CSMD3: variants seen among roughly 807,000 people sequenced by gnomAD.
The protein encoded by CSMD3 is CUB and Sushi multiple domains 3, also known as CUB and sushi domain-containing protein 3.
In CSMD3, 177 loss-of-function variants were observed where a neutral mutation model predicts 435.2. That is an observed-to-expected ratio of 0.41 (90% CI 0.36 to 0.46). CSMD3 has a LOEUF of 0.46. Ranked by LOEUF, CSMD3 falls within the 20% of genes least tolerant of loss-of-function variation. The probability of loss-of-function intolerance (pLI) is 0.34; values close to 1 mark genes in which losing one functional copy is unlikely to be tolerated. For synonymous variants in CSMD3, 1,656 were observed against 1,520.5 expected (o/e 1.09, Z -2.07); for missense variants, 4,265 against 4,504.6 (o/e 0.95, Z 1.52).
At chr8:112,404,322 G>A (rs1831583231) in intron 35 of CSMD3, among the ~76,000 whole-genome samples, 2 of 152,116 alleles carry the variant, frequency 1.3e-5, no homozygotes, top group South Asian at 2.1e-4. Flanking sequence ...GATGTCAGGA[G>A]TTCAAGACCA....
chr8:112,524,648 A>G (rs563248289), intron 27 of CSMD3, among the ~76,000 whole-genome samples: 1 of 152,010 alleles, frequency 6.6e-6, no homozygotes, highest in Non-Finnish European at 1.5e-5. Context: ...TGAAAAAATT[A>G]TTAAGCATGA....
intron 16 of CSMD3, among the ~76,000 whole-genome samples, chr8:112,681,059 A>G (rs1441148570): frequency 6.7e-6 from 1 of 149,652 alleles, no homozygotes; most frequent in African/African-American, 2.5e-5. Context: ...TTTTTAAGAC[A>G]GAGTCTTGCT....
At chr8:112,952,023 T>C (rs1028058687) in intron 8 of CSMD3, among the ~76,000 whole-genome samples, 1 of 151,716 alleles carries the variant, frequency 6.6e-6, no homozygotes, top group Non-Finnish European at 1.5e-5. Flanking sequence ...TCATTAATTT[T>C]AACATTTTAA....
rs199524736 is a variant in CSMD3 at position 112,387,860 on chromosome 8, AT to A, written c.5934+2803del. 5.0e-3 allele frequency among the ~76,000 whole-genome samples: 759 copies of A among 152,284 alleles called. 7 individuals are homozygous for A. Among genetic ancestry groups the A allele is most frequent in the African/African-American group, 0.017 (717 of 41,558 alleles). ...CAAAACTCCACTTGTGCAAGTATTC[AT>A]TGATTCGTTCTAAAAATATTTACTG... On this transcript the variant is annotated intron_variant, in intron 36 of 70. Transcript: ENST00000297405.
intron 63 of CSMD3, among the ~76,000 whole-genome samples, chr8:112,252,810 G>A (rs1815405271): frequency 6.6e-6 from 1 of 150,410 alleles, no homozygotes. Context: ...TTGTATATAA[G>A]TAGACTTTAC....
intron 13 of CSMD3, among the ~76,000 whole-genome samples, chr8:112,778,569 T>C (rs2078302671): frequency 6.6e-6 from 1 of 151,926 alleles, no homozygotes; most frequent in African/African-American, 2.4e-5. Flanking sequence ...CATAGTTTAT[T>C]TATCCATTCA....
At chr8:112,642,687 A>G (rs573637837) in intron 20 of CSMD3, among the ~76,000 whole-genome samples, 2 of 151,878 alleles carry the variant, frequency 1.3e-5, no homozygotes, top group South Asian at 4.2e-4. Context: ...ATGATAAAGC[A>G]TAACAGGGAT....
At chr8:112,732,696 T>C (rs6993756) in intron 13 of CSMD3, among the ~76,000 whole-genome samples, 46,205 of 136,790 alleles carry the variant, frequency 0.34, 8,455 homozygotes, top group African/African-American at 0.51. Context: ...CAAGACTCCA[T>C]CTCAAAAAAA....
intron 50 of CSMD3, among the ~76,000 whole-genome samples, chr8:112,307,147 A>C (rs376268159): frequency 6.6e-6 from 1 of 151,540 alleles, no homozygotes; most frequent in Non-Finnish European, 1.5e-5. Context: ...TTTTTGAGAC[A>C]GGAGTCTCAA....
At chr8:112,938,135 G>A (rs2083342288) in intron 9 of CSMD3, among the ~76,000 whole-genome samples, 5 of 152,130 alleles carry the variant, frequency 3.3e-5, no homozygotes, top group Admixed American at 3.3e-4. Flanking sequence ...TCTGAGACCA[G>A]TTTTATCTAT....
At chr8:112,980,412 C>T (rs914316176) in intron 6 of CSMD3, among the ~76,000 whole-genome samples, 5 of 151,080 alleles carry the variant, frequency 3.3e-5, no homozygotes, top group African/African-American at 9.7e-5. Flanking sequence ...TCATATGAAA[C>T]ATTTGAATGG....
intron 5 of CSMD3, among the ~76,000 whole-genome samples, chr8:113,097,489 T>C (rs2090201044): frequency 6.6e-6 from 1 of 152,050 alleles, no homozygotes; most frequent in Admixed American, 6.6e-5. Flanking sequence ...AGGACTTATA[T>C]GTTGTTAAGT....
In CSMD3 at chr8:112,380,376, C is replaced by A. The variant is rs749768921; in HGVS notation, c.6112G>T (p.Ala2038Ser). 3 of 1,586,804 alleles carry A rather than the reference C, an allele frequency of 1.9e-6. No homozygotes were observed. The highest frequency in any genetic ancestry group is 4.5e-5 in the East Asian group (2 of 44,564). Residue 2038 changes from alanine to serine, a missense_variant, in exon 38 of 71, where the codon GCA becomes TCA. Physicochemically the swap from Ala to Ser is moderately conservative, Grantham distance 99. Around this residue, in one of 3 missense-constraint regions of CSMD3, gnomAD observed 3,255 missense variants for 3,380.2 expected, o/e 0.96. Coordinates refer to ENST00000297405, the MANE Select transcript of CSMD3 (RefSeq NM_198123.2). ...CCTGTGTATTCAAGATGAAATCCTG[C>A]AGCAGAAACACTGATGTCTGATTGA... is the stretch of plus-strand genomic sequence containing the variant. ...NFQSDISVSA[A>S]GFHLEYTAIG...
chr8:112,517,236 A>G lies in CSMD3; in HGVS notation c.4565-11T>C, dbSNP rs773577975. On this transcript the variant is annotated splice_polypyrimidine_tract_variant and intron_variant, in intron 27 of 70. Transcript: ENST00000297405. ...CAGTGGCAACAGAACCTATCAAAAGACAGAGACAAAATTTTAGTTTTGATA... is the reference window on the plus strand; with the variant it reads ...CAGTGGCAACAGAACCTATCAAAAGGCAGAGACAAAATTTTAGTTTTGATA... The G allele has an allele frequency of 2.5e-6, 4 of 1,610,578 alleles. No individual in the cohort carries two copies. Among genetic ancestry groups the G allele is most frequent in the African/African-American group, 1.3e-5 (1 of 74,818 alleles).
At chr8:112,767,427 T>G (rs1234755931) in intron 13 of CSMD3, among the ~76,000 whole-genome samples, 2 of 151,728 alleles carry the variant, frequency 1.3e-5, no homozygotes, top group African/African-American at 4.8e-5. Flanking sequence ...TAGACTCAAG[T>G]TTTGAACATG....
chr8:112,389,982 A>G (rs1301787733), intron 36 of CSMD3, among the ~76,000 whole-genome samples: 1 of 152,188 alleles, frequency 6.6e-6, no homozygotes, highest in Admixed American at 6.5e-5. Context: ...CTTCCTTGCT[A>G]ACACAGATCT....
At chr8:112,699,847 CAGAT>C (rs1282399193) in intron 13 of CSMD3, among the ~76,000 whole-genome samples, 1 of 151,996 alleles carries the variant, frequency 6.6e-6, no homozygotes, top group Non-Finnish European at 1.5e-5. Context: ...AAGGTCATGA[CAGAT>C]AGGGAAACAT....
chr8:113,000,953 T>G (rs935954163), intron 6 of CSMD3, among the ~76,000 whole-genome samples: 2 of 152,002 alleles, frequency 1.3e-5, no homozygotes, highest in Non-Finnish European at 2.9e-5. Context: ...CCATCTAAAT[T>G]ATTTTCTCAT....
At chr8:113,244,803 T>C (rs1053266742) in intron 3 of CSMD3, among the ~76,000 whole-genome samples, 3 of 152,128 alleles carry the variant, frequency 2.0e-5, no homozygotes, top group African/African-American at 7.2e-5. Flanking sequence ...TGTGAATATA[T>C]GAAGTCTAAT....
Sources: allele counts gnomAD v4.1 joint callset (sites outside exome capture counted in the v4.1 genomes callset), GRCh38; gene constraint gnomAD v4.1.1; regional missense constraint gnomAD v4.1.1; transcripts MANE v1.5; gene names NCBI Gene and HGNC (gene_info 2026-07-23, HGNC 2026-07-21).